DLG2: variants seen among roughly 807,000 people sequenced by gnomAD.
DLG2 encodes discs large MAGUK scaffold protein 2, also known as disks large homolog 2.
Under a neutral mutation model 132.5 loss-of-function variants are expected in DLG2, and 45 were observed. The observed-to-expected ratio is 0.34, with a 90% CI of 0.27 to 0.44. The LOEUF is 0.44. Among genes scored for constraint, DLG2 ranks in the 20% least tolerant of loss-of-function variants. The pLI is 1.00. For missense variants in DLG2, 1,045 were observed against 1,196.9 expected (o/e 0.87, Z 1.87); for synonymous variants, 424 against 419.6 (o/e 1.01, Z -0.13).
chr11:85,470,362 A>T (rs2092945068), intron 3 of DLG2, among the ~76,000 whole-genome samples: 1 of 152,158 alleles, frequency 6.6e-6, no homozygotes, highest in Non-Finnish European at 1.5e-5. Context: ...TAGGCCACAA[A>T]GGATTTGCAC....
chr11:84,499,421 G>A (rs1428365670), intron 7 of DLG2, among the ~76,000 whole-genome samples: 6 of 152,130 alleles, frequency 3.9e-5, no homozygotes, highest in Non-Finnish European at 8.8e-5. Flanking sequence ...CCTATCCCAT[G>A]ACCTTTACTC....
Position 84,165,108 on chromosome 11 carries a change from G to A in DLG2, c.574-1597C>T, listed in dbSNP as rs75676267. On this transcript the variant is annotated intron_variant, in intron 8 of 27. Transcript: ENST00000376104. The stretch of plus-strand genomic sequence containing the variant: ...AGGAAGAGGACAATAGGGGAAGGCT[G>A]AATTAACGAGATACATTTTCATTCC... Among the ~76,000 whole-genome samples, 286 of 152,272 alleles carry A rather than the reference G, an allele frequency of 1.9e-3. 2 individuals carry two copies. Among genetic ancestry groups the A allele is most frequent in the African/African-American group, 6.7e-3 (280 of 41,550 alleles).
chr11:84,712,571 T>C (rs776065315), intron 6 of DLG2, among the ~76,000 whole-genome samples: 3 of 152,084 alleles, frequency 2.0e-5, no homozygotes, highest in Non-Finnish European at 4.4e-5. Flanking sequence ...AATTTACTGA[T>C]AGGTGAATTT....
intron 6 of DLG2, among the ~76,000 whole-genome samples, chr11:84,656,946 C>T (rs2099689045): frequency 6.6e-6 from 1 of 152,080 alleles, no homozygotes; most frequent in Admixed American, 6.6e-5. Context: ...GTAATAATTG[C>T]TATTTATTGA....
chr11:83,809,319 C>T (rs2046688215), intron 17 of DLG2, among the ~76,000 whole-genome samples: 1 of 152,172 alleles, frequency 6.6e-6, no homozygotes, highest in Non-Finnish European at 1.5e-5. Flanking sequence ...ATTATCTGTG[C>T]TAGCATTTGG....
intron 7 of DLG2, among the ~76,000 whole-genome samples, chr11:84,401,142 G>C (rs2098827900): frequency 6.6e-6 from 1 of 152,066 alleles, no homozygotes; most frequent in Admixed American, 6.6e-5. Flanking sequence ...CCTAGTGTCA[G>C]ACAGCAGGCA....
chr11:84,778,523 T>G (rs1682243265), intron 6 of DLG2, among the ~76,000 whole-genome samples: 1 of 152,196 alleles, frequency 6.6e-6, no homozygotes, highest in South Asian at 2.1e-4. Context: ...GCATTGAATC[T>G]GTAGATTGCT....
intron 16 of DLG2, among the ~76,000 whole-genome samples, chr11:83,863,281 T>C (rs1242062642): frequency 6.6e-6 from 1 of 152,156 alleles, no homozygotes; most frequent in Non-Finnish European, 1.5e-5. Context: ...TCTACTACTA[T>C]TCCTGAAACT....
intron 16 of DLG2, among the ~76,000 whole-genome samples, chr11:83,873,034 T>A (rs377267123): frequency 6.6e-6 from 1 of 152,310 alleles, no homozygotes; most frequent in African/African-American, 2.4e-5. Context: ...CTTAGGAAAT[T>A]CTGCACGATG....
intron 8 of DLG2, among the ~76,000 whole-genome samples, chr11:84,169,936 A>T (rs1406431775): frequency 3.3e-5 from 5 of 150,218 alleles, no homozygotes; most frequent in Admixed American, 2.0e-4. Context: ...CTTTTCATTT[A>T]AAAAAAATAT....
At chr11:83,494,135 C>T (rs1197026759) in intron 21 of DLG2, among the ~76,000 whole-genome samples, 1 of 151,928 alleles carries the variant, frequency 6.6e-6, no homozygotes, top group East Asian at 1.9e-4. Flanking sequence ...GATTAAAGAC[C>T]TGTCACATCA....
intron 7 of DLG2, among the ~76,000 whole-genome samples, chr11:84,526,167 T>G (rs575325714): frequency 6.6e-6 from 1 of 152,222 alleles, no homozygotes; most frequent in Admixed American, 6.5e-5. Context: ...ACTAATCATA[T>G]TTCCATCTTA....
chr11:83,727,707 T>C (rs928766894), intron 18 of DLG2, among the ~76,000 whole-genome samples: 9 of 152,232 alleles, frequency 5.9e-5, no homozygotes, highest in Non-Finnish European at 1.3e-4. Context: ...CTATCAGATT[T>C]GTTATTTGAT....
intron 3 of DLG2, among the ~76,000 whole-genome samples, chr11:85,333,162 C>G (rs1011520971): frequency 6.6e-6 from 1 of 151,972 alleles, no homozygotes; most frequent in East Asian, 1.9e-4. Context: ...TTTTACCTCC[C>G]TGATTAGCTA....
intron 18 of DLG2, among the ~76,000 whole-genome samples, chr11:83,776,611 G>T (rs556838822): frequency 3.9e-5 from 6 of 152,264 alleles, no homozygotes; most frequent in Middle Eastern, 3.4e-3. Flanking sequence ...GTTTTTAGTA[G>T]AAATAACACA....
At chr11:83,503,242 T>C (rs2094522057) in intron 21 of DLG2, among the ~76,000 whole-genome samples, 1 of 150,462 alleles carries the variant, frequency 6.6e-6, no homozygotes, top group Non-Finnish European at 1.5e-5. Context: ...GGGAGCAAGA[T>C]AGGGAGGTTA....
intron 11 of DLG2, among the ~76,000 whole-genome samples, chr11:84,007,073 G>A (rs1004823344): frequency 5.3e-5 from 8 of 151,688 alleles, no homozygotes; most frequent in Admixed American, 3.3e-4. Flanking sequence ...CCCTTATAGG[G>A]CTCTTTGTAA....
intron 6 of DLG2, among the ~76,000 whole-genome samples, chr11:84,621,733 A>C (rs2154541358): frequency 6.6e-6 from 1 of 152,232 alleles, no homozygotes; most frequent in South Asian, 2.1e-4. Context: ...AAAGCATCCA[A>C]GTGGGCTGCT....
At chr11:85,144,541 G>C (rs1006829274) in intron 5 of DLG2, among the ~76,000 whole-genome samples, 2 of 151,312 alleles carry the variant, frequency 1.3e-5, no homozygotes, top group African/African-American at 4.8e-5. Flanking sequence ...GATTTTCTCT[G>C]GTAGTATGTT....
Sources: allele counts gnomAD v4.1 joint callset (sites outside exome capture counted in the v4.1 genomes callset), GRCh38; gene constraint gnomAD v4.1.1; transcripts MANE v1.5; gene names NCBI Gene and HGNC (gene_info 2026-07-23, HGNC 2026-07-21).